The following PCDH15 variants were observed in gnomAD, a reference collection of about 807,000 sequenced individuals.
PCDH15 encodes the protein protocadherin-15.
PCDH15 carries 129 observed loss-of-function variants against 178.5 expected under a neutral mutation model. The observed-to-expected ratio is 0.72, with a 90% CI of 0.63 to 0.84. The LOEUF (loss-of-function observed/expected upper bound fraction) is 0.84. Among genes scored for constraint, PCDH15 ranks in the 40% least tolerant of loss-of-function variants. The probability of loss-of-function intolerance (pLI) is 0.00; values close to 1 mark genes in which losing one functional copy is unlikely to be tolerated. For synonymous variants in PCDH15, 800 were observed against 732.0 expected, an observed-to-expected ratio of 1.09 and a Z score of -1.50; for missense variants, 2,230 against 2,099.9, an observed-to-expected ratio of 1.06 and a Z score of -1.21.
chr10:55,512,390 C>A (rs1399649103), intron 2 of PCDH15, among the ~76,000 whole-genome samples: 5 of 151,980 alleles, frequency 3.3e-5, no homozygotes, highest in Non-Finnish European at 7.4e-5. Context: ...TCCTAGAATG[C>A]ACTTCCACAC....
At chr10:55,478,329 T>C (rs1840104093) in intron 2 of PCDH15, among the ~76,000 whole-genome samples, 1 of 151,654 alleles carries the variant, frequency 6.6e-6, no homozygotes, top group Non-Finnish European at 1.5e-5. Context: ...ACCCAACAGA[T>C]ATTTAAAAAA....
chr10:54,426,259 A>G (rs1956256460), intron 3 of PCDH15, among the ~76,000 whole-genome samples: 1 of 152,156 alleles, frequency 6.6e-6, no homozygotes, highest in African/African-American at 2.4e-5. Context: ...CTTTGGTACC[A>G]GGGATTCATT....
chr10:55,472,536 T>C (rs1256083693), intron 2 of PCDH15, among the ~76,000 whole-genome samples: 1 of 143,932 alleles, frequency 6.9e-6, no homozygotes, highest in Non-Finnish European at 1.5e-5. Flanking sequence ...ATCCAACATA[T>C]ACATTTGAAA....
At chr10:54,996,229 G>C (rs1839640406) in intron 2 of PCDH15, among the ~76,000 whole-genome samples, 1 of 152,064 alleles carries the variant, frequency 6.6e-6, no homozygotes, top group Non-Finnish European at 1.5e-5. Context: ...TGCCACTTCT[G>C]GCCCCAACCA....
chr10:54,910,531 T>C (rs554811901), intron 2 of PCDH15, among the ~76,000 whole-genome samples: 122 of 152,302 alleles, frequency 8.0e-4, no homozygotes, highest in African/African-American at 2.8e-3. Context: ...AATCTAGGCC[T>C]AACCCTGAGG....
In PCDH15 at chr10:54,961,065, T is replaced by C. The variant is rs189700132; in HGVS notation, c.-79-63565A>G. Among the ~76,000 whole-genome samples, 247 of 152,150 alleles carry C rather than the reference T, an allele frequency of 1.6e-3. 2 individuals carry two copies. Among genetic ancestry groups the C allele is most frequent in the Non-Finnish European group, 4.9e-4 (33 of 68,014 alleles). ...AGTATTTAGAACACTGCAGGAAAAA[T>C]ATATATCAAATTGATGGTTGTGACT... On this transcript the variant is annotated intron_variant, in intron 2 of 5. Transcript: ENST00000458638.
intron 2 of PCDH15, among the ~76,000 whole-genome samples, chr10:55,597,650 T>A (rs955634152): frequency 6.6e-5 from 10 of 152,144 alleles, no homozygotes; most frequent in African/African-American, 2.4e-4. Flanking sequence ...AAATCAAATA[T>A]AACTTCAACT....
intron 33 of PCDH15, chr10:53,818,293 C>G (rs1588908167): frequency 4.0e-6 from 1 of 252,264 alleles, no homozygotes; most frequent in Non-Finnish European, 7.5e-6. Flanking sequence ...TGTATAATGA[C>G]AAACTTTGAC....
intron 2 of PCDH15, among the ~76,000 whole-genome samples, chr10:55,583,529 G>C (rs1297696904): frequency 2.0e-5 from 3 of 152,172 alleles, no homozygotes; most frequent in African/African-American, 7.2e-5. Flanking sequence ...TGCCTCCCAG[G>C]TTCAAGGGAA....
intron 1 of PCDH15, among the ~76,000 whole-genome samples, chr10:54,687,589 T>C (rs1285130877): frequency 2.0e-5 from 3 of 152,180 alleles, no homozygotes; most frequent in Non-Finnish European, 2.9e-5. Flanking sequence ...GCAAGATTCC[T>C]GTTAAGTCAG....
Position 54,268,715 on chromosome 10 carries a change from G to A in PCDH15, c.877-31784C>T, listed in dbSNP as rs1364109013. ...CTTATCAATAATAATGTTCTAGTGA[G>A]TAACAAGAGTTAAGAACACCACTAA... is the stretch of plus-strand genomic sequence containing the variant. On this transcript the variant is annotated intron_variant, in intron 8 of 37. Coordinates refer to ENST00000644397, the MANE Select transcript of PCDH15 (RefSeq NM_001384140.1). 4.0e-5 allele frequency among the ~76,000 whole-genome samples: 6 copies of A among 151,858 alleles called. No homozygotes were observed. The South Asian group carries it at 1.2e-3, about 31-fold the overall frequency.
At chr10:55,156,638 A>G (rs1253119403) in intron 2 of PCDH15, among the ~76,000 whole-genome samples, 1 of 152,130 alleles carries the variant, frequency 6.6e-6, no homozygotes, top group Non-Finnish European at 1.5e-5. Context: ...AATAGGTTTT[A>G]CTTATTCCCA....
At chr10:55,127,533 T>C (rs534604565) in intron 2 of PCDH15, among the ~76,000 whole-genome samples, 2 of 152,218 alleles carry the variant, frequency 1.3e-5, no homozygotes, top group African/African-American at 4.8e-5. Context: ...AAATTTTTGC[T>C]GTTATTATTT....
intron 3 of PCDH15, among the ~76,000 whole-genome samples, chr10:54,509,373 T>C (rs1051911303): frequency 6.6e-6 from 1 of 152,108 alleles, no homozygotes; most frequent in East Asian, 1.9e-4. Context: ...TTTTCTCTCT[T>C]GTCTGCCACC....
In PCDH15 at chr10:55,493,986, C is replaced by T. The variant is rs184060718; in HGVS notation, c.-156+133639G>A. Among the ~76,000 whole-genome samples the T allele has an allele frequency of 1.4e-3, 216 of 151,902 alleles. 1 individual carries two copies. Among genetic ancestry groups the T allele is most frequent in the South Asian group, 2.1e-3 (10 of 4,822 alleles). ...TCATATTTGACAAGAATGTATGTTA[C>T]ATCATTAGAATCCATTTTAATTTTT... On this transcript the variant is annotated intron_variant, in intron 2 of 5. Transcript: ENST00000613346.
At chr10:54,382,117 T>G (rs542135073) in intron 3 of PCDH15, among the ~76,000 whole-genome samples, 57 of 152,312 alleles carry the variant, frequency 3.7e-4, no homozygotes, top group African/African-American at 1.3e-3. Flanking sequence ...ACACATTTCT[T>G]GGCTGGTCAA....
chr10:54,093,303 T>C (rs945132400), intron 15 of PCDH15, among the ~76,000 whole-genome samples: 1 of 152,176 alleles, frequency 6.6e-6, no homozygotes, highest in Non-Finnish European at 1.5e-5. Flanking sequence ...TTCATTTTTA[T>C]CTTTTCACAC....
chr10:54,454,280 G>C (rs2076674200), intron 3 of PCDH15, among the ~76,000 whole-genome samples: 1 of 149,216 alleles, frequency 6.7e-6, no homozygotes, highest in Non-Finnish European at 1.5e-5. Flanking sequence ...TTCATTTATA[G>C]ATTATAAATG....
chr10:53,942,947 A>G (rs555525770), intron 23 of PCDH15, among the ~76,000 whole-genome samples: 3 of 152,330 alleles, frequency 2.0e-5, no homozygotes, highest in African/African-American at 7.2e-5. Flanking sequence ...TGACAGATCA[A>G]GATACATACT....
Sources: gnomAD v4.1 joint callset for allele counts (sites outside exome capture counted in the v4.1 genomes callset) on GRCh38, gnomAD v4.1.1 for gene constraint, MANE v1.5 for transcripts, NCBI Gene and HGNC (gene_info 2026-07-23, HGNC 2026-07-21) for gene names.